SLC9A6: variants seen among roughly 807,000 people sequenced by gnomAD.
The protein encoded by SLC9A6 is solute carrier family 9 member A6, also known as sodium/hydrogen exchanger 6.
A neutral mutation model predicts 45.3 loss-of-function variants in SLC9A6; 6 were observed. The ratio of observed to expected loss-of-function variants is 0.13; its 90% CI spans 0.07 to 0.26. The LOEUF (loss-of-function observed/expected upper bound fraction) is 0.26. Ranked by LOEUF, SLC9A6 falls within the 10% of genes least tolerant of loss-of-function variation. The pLI is 1.00. For synonymous variants in SLC9A6, 191 were observed against 187.7 expected, an observed-to-expected ratio of 1.02 and a Z score of -0.14; for missense variants, 278 against 503.7, an observed-to-expected ratio of 0.55 and a Z score of 4.29.
chrX:136,033,518 A>G (rs1556621418), intron 16 of SLC9A6, 25 bp downstream of exon 16: 2 of 953,787 alleles, frequency 2.1e-6, no homozygotes, highest in Non-Finnish European at 3.0e-6. Context: ...GGGAAAAAAA[A>G]AAAGGATAAT....
chrX:136,010,184 G>A (rs782364880), intron 7 of SLC9A6: 1 of 381,402 alleles, frequency 2.6e-6, no homozygotes, highest in East Asian at 4.7e-5. Context: ...GGGGGAAAAA[G>A]CTTGGTGCAA....
intron 16 of SLC9A6, among the ~76,000 whole-genome samples, chrX:136,037,556 ATATTTATTTATT>A (rs781891851): frequency 3.6e-5 from 4 of 110,273 alleles, no homozygotes; most frequent in Non-Finnish European, 5.7e-5. Context: ...AGAAAATTGG[ATATTTATTTATT>A]TATTTATTTA....
At chrX:136,040,233 C>T in intron 17 of SLC9A6, 52 bp downstream of exon 17, 1 of 875,395 alleles carries the variant, frequency 1.1e-6, no homozygotes, top group Non-Finnish European at 1.7e-6. Context: ...AATTTATCTG[C>T]TCTGTGGATG....
intron 11 of SLC9A6, among the ~76,000 whole-genome samples, chrX:136,019,686 G>A (rs139804420): frequency 0.074 from 8,310 of 111,994 alleles, 331 homozygotes; most frequent in African/African-American, 0.16. Context: ...CATATGCCCC[G>A]CACTCAGTTT....
chrX:136,023,113 T>A (rs1355372645), intron 12 of SLC9A6, among the ~76,000 whole-genome samples: 2 of 90,427 alleles, frequency 2.2e-5, no homozygotes, highest in African/African-American at 8.4e-5. Context: ...GCCTGGCCTA[T>A]AATACTCCTT....
chrX:136,006,721 T>C (rs1277557174), intron 7 of SLC9A6, among the ~76,000 whole-genome samples: 1 of 110,794 alleles, frequency 9.0e-6, no homozygotes, highest in African/African-American at 3.3e-5. Context: ...TCCATATTAG[T>C]TTAAAATATG....
chrX:135,990,690 T>C (rs972401001), intron 2 of SLC9A6, among the ~76,000 whole-genome samples: 3 of 110,679 alleles, frequency 2.7e-5, no homozygotes, highest in Admixed American at 9.7e-5. Flanking sequence ...GTAGAACCAG[T>C]GGGCACTCGG....
chrX:135,998,616 A>G (rs2089538803), intron 5 of SLC9A6, 58 bp downstream of exon 5: 2 of 872,183 alleles, frequency 2.3e-6, no homozygotes, highest in Non-Finnish European at 3.3e-6. Flanking sequence ...TTAAAATAAT[A>G]TATTTTTGAT....
At chrX:136,037,267 C>A (rs782348892) in intron 16 of SLC9A6, among the ~76,000 whole-genome samples, 11 of 112,400 alleles carry the variant, frequency 9.8e-5, no homozygotes, top group Non-Finnish European at 1.9e-4. Context: ...CACACGCACA[C>A]ACACAACTGC....
At chrX:136,008,672 A>G (rs1475460133) in intron 7 of SLC9A6, among the ~76,000 whole-genome samples, 1 of 112,550 alleles carries the variant, frequency 8.9e-6, no homozygotes, top group African/African-American at 3.2e-5. Context: ...ACAGAAGGAA[A>G]ATAAAATCGA....
rs1011353197 is a variant in SLC9A6 at position 136,004,747 on chromosome X, T to C, written c.743+2534T>C. 1.3e-4 allele frequency among the ~76,000 whole-genome samples: 15 copies of C among 112,309 alleles called. 1 individual carries two copies. The Admixed American group carries it at 1.4e-3, about 11-fold the overall frequency. Reference sequence around the variant, plus strand: ...TTGCCAGATTTTTTTTGCAGCTGTCTGCAACTAATATAAATTTAACTTGAG... The same window carrying C: ...TTGCCAGATTTTTTTTGCAGCTGTCCGCAACTAATATAAATTTAACTTGAG... On this transcript the variant is annotated intron_variant, in intron 7 of 17. Transcript: ENST00000630721.
At chrX:136,038,537 A>T (rs1340811834) in intron 16 of SLC9A6, among the ~76,000 whole-genome samples, 1 of 111,139 alleles carries the variant, frequency 9.0e-6, no homozygotes, top group Non-Finnish European at 1.9e-5. Context: ...CTATAACAAG[A>T]TTAAGCTGGC....
upstream of SLC9A6, chrX:135,983,613 A>G (rs950504135): frequency 3.7e-5 from 4 of 109,145 alleles, no homozygotes; most frequent in African/African-American, 1.3e-4. Context: ...GGGGCATACT[A>G]AGTTGCTGGG....
chrX:136,014,006 T>C (rs1556618984), intron 10 of SLC9A6, among the ~76,000 whole-genome samples: 1 of 112,113 alleles, frequency 8.9e-6, no homozygotes, highest in Non-Finnish European at 1.9e-5. Flanking sequence ...CTGGTTTTAT[T>C]TGGTACTGAA....
intron 7 of SLC9A6, among the ~76,000 whole-genome samples, chrX:136,007,288 TG>T (rs782789533): frequency 8.1e-4 from 87 of 107,387 alleles, no homozygotes; most frequent in Admixed American, 4.4e-3. Context: ...CTGTCATCAA[TG>T]GGGGGGGGTT....
intron 2 of SLC9A6, among the ~76,000 whole-genome samples, chrX:135,989,378 A>G (rs1166139579): frequency 8.9e-6 from 1 of 111,979 alleles, no homozygotes; most frequent in Non-Finnish European, 1.9e-5. Context: ...CACGCACTAC[A>G]CTGTGCTTAC....
upstream of SLC9A6, chrX:135,974,052 GC>G (rs1556612998): frequency 1.0e-5 from 3 of 295,204 alleles, no homozygotes; most frequent in South Asian, 6.3e-5. Flanking sequence ...AGGGACGGGG[GC>G]CTGCGTAGAG....
chrX:135,999,382 T>TTG (rs2089550178), intron 6 of SLC9A6, among the ~76,000 whole-genome samples: 1 of 111,813 alleles, frequency 8.9e-6, no homozygotes. Flanking sequence ...TTTCAGTTTC[T>TTG]ATTCAGCTGT....
At chrX:136,026,747 G>T (rs1445451559) in intron 13 of SLC9A6, among the ~76,000 whole-genome samples, 5 of 111,501 alleles carry the variant, frequency 4.5e-5, no homozygotes, top group African/African-American at 1.6e-4. Context: ...TGTTGGCCAG[G>T]CTGGTCTCAA....
Sources: allele counts gnomAD v4.1 joint callset (sites outside exome capture counted in the v4.1 genomes callset), GRCh38; gene constraint gnomAD v4.1.1; transcripts MANE v1.5; gene names NCBI Gene and HGNC (gene_info 2026-07-23, HGNC 2026-07-21).